CACNB2: variants seen among roughly 807,000 people sequenced by gnomAD.
CACNB2 encodes the protein voltage-dependent L-type calcium channel subunit beta-2.
A neutral mutation model predicts 73.3 loss-of-function variants in CACNB2; 42 were observed. The observed-to-expected ratio is 0.57, with a 90% CI of 0.45 to 0.74. The LOEUF is 0.74. CACNB2 is among the 30% of genes least tolerant of loss of function. The pLI is 0.00. For missense variants in CACNB2, 940 were observed against 853.0 expected (o/e 1.10, Z -1.27); for synonymous variants, 348 against 310.3 (o/e 1.12, Z -1.28).
At chr10:18,376,825 G>A (rs965605175) in intron 2 of CACNB2, among the ~76,000 whole-genome samples, 2 of 152,170 alleles carry the variant, frequency 1.3e-5, no homozygotes, top group Non-Finnish European at 2.9e-5. Context: ...GAATGTTTCT[G>A]CTGGGAGATG....
intron 10 of CACNB2, among the ~76,000 whole-genome samples, chr10:18,531,481 G>A (rs140883314): frequency 0.016 from 2,394 of 152,184 alleles, 62 homozygotes; most frequent in African/African-American, 0.053. Context: ...ATATACATGC[G>A]TGTATCTTTA....
At chr10:18,419,805 T>C (rs1057025223) in intron 3 of CACNB2, among the ~76,000 whole-genome samples, 2 of 152,220 alleles carry the variant, frequency 1.3e-5, no homozygotes, top group Non-Finnish European at 2.9e-5. Flanking sequence ...AGGTTAAGAA[T>C]AGTGTACTTT....
chr10:18,374,932 AG>A (rs2042732936), intron 2 of CACNB2, among the ~76,000 whole-genome samples: 1 of 152,200 alleles, frequency 6.6e-6, no homozygotes, highest in African/African-American at 2.4e-5. Context: ...CCCTAAAGAC[AG>A]GGTACTTTAG....
At chr10:18,218,665 T>G (rs1323158916) in intron 2 of CACNB2, among the ~76,000 whole-genome samples, 1 of 151,976 alleles carries the variant, frequency 6.6e-6, no homozygotes, top group African/African-American at 2.4e-5. Flanking sequence ...GTCAGGAGAT[T>G]GAGACCATCC....
chr10:18,460,916 C>T (rs1589424250), intron 3 of CACNB2, among the ~76,000 whole-genome samples: 2 of 150,334 alleles, frequency 1.3e-5, no homozygotes, highest in African/African-American at 2.4e-5. Context: ...CCACTTTTTG[C>T]TCTATTTCTT....
chr10:18,260,688 T>C (rs1642119391), intron 2 of CACNB2: 27 of 991,122 alleles, frequency 2.7e-5, no homozygotes, highest in Middle Eastern at 5.2e-4. Context: ...GTTACAGAGG[T>C]AACAGTGAAT....
At position 18,183,021 on chromosome 10, in the gene CACNB2, G is replaced by A. The variant is rs141472338; in HGVS notation, c.213+32046G>A. Among the ~76,000 whole-genome samples, 227 of 151,710 alleles carry A rather than the reference G, an allele frequency of 1.5e-3. 4 individuals are homozygous for A. The highest frequency in any genetic ancestry group is 4.8e-3 in the South Asian group (23 of 4,806). On this transcript the variant is annotated intron_variant, in intron 2 of 13. Transcript: ENST00000324631. ...ATCTTTTTTTTTTTAATTAGGAGAA[G>A]CAGAGGGGCATTGTGGTTGAGAGAT...
At chr10:18,213,783 C>T (rs1254038859) in intron 2 of CACNB2, among the ~76,000 whole-genome samples, 1 of 152,208 alleles carries the variant, frequency 6.6e-6, no homozygotes, top group Non-Finnish European at 1.5e-5. Context: ...GAAGAGCCAT[C>T]TCTGGAGTCA....
At chr10:18,266,516 G>T (rs528721594) in intron 2 of CACNB2, among the ~76,000 whole-genome samples, 88 of 147,804 alleles carry the variant, frequency 6.0e-4, no homozygotes, top group African/African-American at 2.1e-3. Flanking sequence ...AGGTAGTATA[G>T]TTTTTTTTTT....
At chr10:18,289,414 C>T (rs2038965485) in intron 2 of CACNB2, among the ~76,000 whole-genome samples, 1 of 151,102 alleles carries the variant, frequency 6.6e-6, no homozygotes, top group African/African-American at 2.4e-5. Context: ...CCTGCCTCAG[C>T]CTCACGAGTA....
intron 2 of CACNB2, among the ~76,000 whole-genome samples, chr10:18,381,334 T>C (rs1259786892): frequency 6.6e-6 from 1 of 151,922 alleles, no homozygotes; most frequent in African/African-American, 2.4e-5. Flanking sequence ...GTAAAACCAT[T>C]TGGTAATATA....
chr10:18,302,937 T>A (rs2039584654), intron 2 of CACNB2, among the ~76,000 whole-genome samples: 1 of 152,218 alleles, frequency 6.6e-6, no homozygotes, highest in South Asian at 2.1e-4. Context: ...TGCAGTTTTG[T>A]GTAATCTGTG....
rs11013115 is a variant in CACNB2, at chr10:18,235,365, G to A, written c.213+84390G>A. ...CTCAGCTACTCAGGAGGCTGAGGCAGGAGGATCCCTTGATCCTAGAAGGTT... is the reference window on the plus strand; with the variant it reads ...CTCAGCTACTCAGGAGGCTGAGGCAAGAGGATCCCTTGATCCTAGAAGGTT... On this transcript the variant is annotated intron_variant, in intron 2 of 13. Transcript: ENST00000324631. 4.1e-3 allele frequency among the ~76,000 whole-genome samples: 625 copies of A among 151,950 alleles called. 6 individuals carry two copies. The East Asian group carries it at 0.047, about 11-fold the overall frequency.
intron 3 of CACNB2, among the ~76,000 whole-genome samples, chr10:18,458,967 G>C (rs1342033093): frequency 6.6e-6 from 1 of 151,946 alleles, no homozygotes; most frequent in East Asian, 1.9e-4. Flanking sequence ...TTTTCACCAT[G>C]TTGGCCAGGC....
In CACNB2 at chr10:18,483,654, C is replaced by T. The variant is rs149518484; in HGVS notation, c.334-14701C>T. Among the ~76,000 whole-genome samples the T allele has an allele frequency of 1.5e-4, 23 of 152,086 alleles. No homozygotes were observed. In the East Asian group the frequency reaches 3.1e-3, roughly 20 times the overall value. ...AGACCTCTGTGAACTTAGCTAAAACCGCAGCTGTTGCAGTGGAGAAGAAAG... is the reference window on the plus strand; with the variant it reads ...AGACCTCTGTGAACTTAGCTAAAACTGCAGCTGTTGCAGTGGAGAAGAAAG... On this transcript the variant is annotated intron_variant, in intron 3 of 13. Transcript: ENST00000324631.
intron 2 of CACNB2, among the ~76,000 whole-genome samples, chr10:18,162,318 T>C (rs1477466645): frequency 1.3e-5 from 2 of 152,162 alleles, no homozygotes; most frequent in South Asian, 2.1e-4. Flanking sequence ...TAAGGAGAGC[T>C]GAAGCAAGGA....
intron 2 of CACNB2, among the ~76,000 whole-genome samples, chr10:18,385,245 T>G (rs568632240): frequency 4.7e-5 from 7 of 150,266 alleles, no homozygotes; most frequent in African/African-American, 1.5e-4. Flanking sequence ...ATTATGCCAC[T>G]GCACTCCAGC....
Position 18,370,856 on chromosome 10 carries a change from CAT to C in CACNB2, c.214-31065_214-31064del, listed in dbSNP as rs370386896. 1.2e-4 allele frequency among the ~76,000 whole-genome samples: 18 copies of C among 152,288 alleles called. No individual in the cohort carries two copies. The East Asian group carries it at 2.9e-3, about 24-fold the overall frequency. ...AGGCACATATTTGTATAGATACACA[CAT>C]ATGTGTATATATTTCAACATCTATA... On this transcript the variant is annotated intron_variant, in intron 2 of 13. Coordinates refer to ENST00000324631, the MANE Select transcript of CACNB2 (RefSeq NM_201596.3).
chr10:18,505,066 C>G (rs528474762), intron 5 of CACNB2, among the ~76,000 whole-genome samples: 1 of 152,226 alleles, frequency 6.6e-6, no homozygotes, highest in South Asian at 2.1e-4. Context: ...AATTGGGGTA[C>G]CGTTCAAGAA....
Sources: gnomAD v4.1 joint callset for allele counts (sites outside exome capture counted in the v4.1 genomes callset) on GRCh38, gnomAD v4.1.1 for gene constraint, MANE v1.5 for transcripts, NCBI Gene and HGNC (gene_info 2026-07-23, HGNC 2026-07-21) for gene names.